The following NSDHL variants were observed in gnomAD, a reference collection of about 807,000 sequenced individuals.
NSDHL encodes NAD(P) dependent 3-beta-hydroxysteroid dehydrogenase NSDHL, also known as sterol-4-alpha-carboxylate 3-dehydrogenase, decarboxylating.
NSDHL carries 1 observed loss-of-function variant against 23.0 expected under a neutral mutation model. That is an observed-to-expected ratio of 0.04 (90% confidence interval 0.02 to 0.21). The LOEUF is 0.21. Ranked by LOEUF, NSDHL falls within the 10% of genes least tolerant of loss-of-function variation. The pLI is 1.00. For missense variants in NSDHL, 237 were observed against 300.9 expected (o/e 0.79, Z 1.57); for synonymous variants, 128 against 121.1 (o/e 1.06, Z -0.37).
In NSDHL at chrX:152,850,269, A is replaced by G. The variant is rs192455721; in HGVS notation, c.113A>G (p.Lys38Arg). Residue 38 changes from lysine to arginine, a missense_variant, in exon 3 of 8, where the codon AAG becomes AGG. Lys to Arg is a conservative substitution (Grantham distance 26). This residue lies in a region of NSDHL where 81 missense variants were observed against 103.3 expected (regional missense o/e 0.78). Coordinates refer to ENST00000370274, the MANE Select transcript of NSDHL (RefSeq NM_015922.3). ...ACCGTTCCTCTCTTTCCACAGGCCA[A>G]GAGATGCACAGTGATCGGTGGCTCT... is the stretch of plus-strand genomic sequence containing the variant. ...DIEKVNQNQAKRCTVIGGSGF... is the reference protein window; with the variant it reads ...DIEKVNQNQARRCTVIGGSGF... 1.2e-4 allele frequency: 151 copies of G among 1,208,409 alleles called. No individual in the cohort carries two copies. In the East Asian group the frequency reaches 4.4e-3, roughly 35 times the overall value.
At chrX:152,837,368 T>C (rs1933115663) in intron 1 of NSDHL, among the ~76,000 whole-genome samples, 2 of 111,723 alleles carry the variant, frequency 1.8e-5, no homozygotes, top group South Asian at 7.5e-4. Flanking sequence ...ACCCCTCTCT[T>C]GTGCCAGTTT....
chrX:152,869,317 A>T lies in NSDHL; in HGVS notation c.*201A>T. 1 of 470,036 alleles carries T rather than the reference A, an allele frequency of 2.1e-6. No homozygotes were observed. The highest frequency in any genetic ancestry group is 3.8e-6 in the Non-Finnish European group (1 of 263,129). The allele number at this position is 470,036 out of a possible 1,213,427, so 38.7% of individuals were successfully genotyped here. On this transcript the variant is annotated 3_prime_UTR_variant, in exon 8 of 8. Transcript: ENST00000370274. The stretch of plus-strand genomic sequence containing the variant: ...TCTTCCTTCATGGAACTGGATTTGG[A>T]TTTCTTGAAGCAGGCAGCTTCATAT...
intron 1 of NSDHL, among the ~76,000 whole-genome samples, chrX:152,834,313 T>C (rs967303089): frequency 8.9e-6 from 1 of 112,949 alleles, no homozygotes; most frequent in Non-Finnish European, 1.9e-5. Context: ...CTCACAGGCA[T>C]GCTGCTGGGT....
Position 152,858,817 on chromosome X carries a change from G to T in NSDHL, c.315G>T (p.Ala105=), listed in dbSNP as rs781847194. 1.4e-5 allele frequency: 17 copies of T among 1,204,472 alleles called. No individual in the cohort carries two copies. Among genetic ancestry groups the T allele is most frequent in the Non-Finnish European group, 1.9e-5 (17 of 890,315 alleles). ...LKGVNTVFHC[A]SPPPSSNNKE... is the part of the protein sequence containing the mutation. ...GTGTAAACACAGTTTTCCACTGTGC[G>T]TCACCCCCACCATCCAGTAACAACA... The change falls in exon 4 of 8, where the codon GCG becomes GCT. Residue 105 remains alanine, a synonymous_variant. Coordinates refer to ENST00000370274, the MANE Select transcript of NSDHL (RefSeq NM_015922.3).
rs141955712 is a variant in NSDHL, at chrX:152,849,922, A to G, written c.109-343A>G. 9.7e-3 allele frequency among the ~76,000 whole-genome samples: 1,088 copies of G among 112,216 alleles called. 6 individuals are homozygous for G. The highest frequency in any genetic ancestry group is 0.015 in the Non-Finnish European group (806 of 53,214). On this transcript the variant is annotated intron_variant, in intron 2 of 7. Transcript: ENST00000370274. ...CAGCTATCGGGAACAAGAAGGTATC[A>G]CTGTTTTTTGGGGTATTTTTTAGAT...
At chrX:152,831,438 C>G (rs1933012458) in intron 1 of NSDHL, among the ~76,000 whole-genome samples, 1 of 110,703 alleles carries the variant, frequency 9.0e-6, no homozygotes, top group Non-Finnish European at 1.9e-5. Context: ...CACCCCTAGA[C>G]TGACCCAGAT....
chrX:152,840,418 G>A (rs922912268), intron 1 of NSDHL, among the ~76,000 whole-genome samples: 75 of 112,350 alleles, frequency 6.7e-4, no homozygotes, highest in African/African-American at 2.4e-3. Flanking sequence ...TTTCTGCTCT[G>A]GTTTCTCCCC....
rs993623741 is a variant in NSDHL at position 152,842,958 on chromosome X, A to G, written c.-43-3324A>G. Among the ~76,000 whole-genome samples the G allele has an allele frequency of 2.7e-5, 3 of 111,888 alleles. 1 individual carries two copies. Among genetic ancestry groups the G allele is most frequent in the South Asian group, 7.4e-4 (2 of 2,694 alleles). On this transcript the variant is annotated intron_variant, in intron 1 of 7. Transcript: ENST00000370274. ...AGTAGGCAGGGGACGGGGGTTGCCT[A>G]TGGGATCTGACTCATTTGCGCGGCT...
intron 6 of NSDHL, among the ~76,000 whole-genome samples, chrX:152,866,576 C>T (rs781933774): frequency 5.7e-4 from 65 of 113,129 alleles, no homozygotes; most frequent in Non-Finnish European, 8.6e-4. Context: ...TCGCAGGGAG[C>T]GTCTGTTCCA....
chrX:152,848,893 C>T (rs1000191531), intron 2 of NSDHL, among the ~76,000 whole-genome samples: 35 of 112,664 alleles, frequency 3.1e-4, no homozygotes, highest in African/African-American at 1.1e-3. Flanking sequence ...AAATATACAT[C>T]TCAGTCCAGG....
chrX:152,853,128 C>CGTGT (rs35307183), intron 3 of NSDHL, among the ~76,000 whole-genome samples: 3,235 of 96,961 alleles, frequency 0.033, 52 homozygotes, highest in Middle Eastern at 0.098. Flanking sequence ...CTCTCAGGCA[C>CGTGT]GTGTGTGTGT....
intron 1 of NSDHL, among the ~76,000 whole-genome samples, chrX:152,843,241 C>T (rs781817796): frequency 3.6e-5 from 4 of 111,905 alleles, no homozygotes; most frequent in Non-Finnish European, 7.5e-5. Context: ...TCTAAGGCTT[C>T]TTGCTTTTGC....
At chrX:152,842,600 C>T (rs1933210800) in intron 1 of NSDHL, among the ~76,000 whole-genome samples, 1 of 111,723 alleles carries the variant, frequency 9.0e-6, no homozygotes, top group Non-Finnish European at 1.9e-5. Context: ...CTCCCGGGTT[C>T]AAGTGATTCT....
chrX:152,837,404 C>T (rs1207416244), intron 1 of NSDHL, among the ~76,000 whole-genome samples: 3 of 111,606 alleles, frequency 2.7e-5, no homozygotes, highest in Non-Finnish European at 5.6e-5. Flanking sequence ...CCAGTTTTTA[C>T]CCATTCAGTA....
chrX:152,851,240 A>G (rs941921313), intron 3 of NSDHL, among the ~76,000 whole-genome samples: 1 of 112,288 alleles, frequency 8.9e-6, no homozygotes, highest in African/African-American at 3.2e-5. Context: ...TGGTGTTGCC[A>G]TTCTGAGAAG....
chrX:152,838,549 G>A (rs994506922), intron 1 of NSDHL, among the ~76,000 whole-genome samples: 2 of 111,724 alleles, frequency 1.8e-5, no homozygotes, highest in African/African-American at 3.3e-5. Context: ...CCTTCATTTC[G>A]ATATTTACCC....
rs150670200 is a variant in NSDHL at position 152,853,308 on chromosome X, T to C, written c.267+2885T>C. ...TTCTGCTAAGTCTTCTCTATCTCCATAAATGGCCTACTCTGCTTTTCCAGT... is the reference window on the plus strand; with the variant it reads ...TTCTGCTAAGTCTTCTCTATCTCCACAAATGGCCTACTCTGCTTTTCCAGT... On this transcript the variant is annotated intron_variant, in intron 3 of 7. Transcript: ENST00000370274. Among the ~76,000 whole-genome samples, 34 of 110,475 alleles carry C rather than the reference T, an allele frequency of 3.1e-4. No homozygotes were observed. The East Asian group carries it at 9.9e-3, about 32-fold the overall frequency.
chrX:152,865,785 C>G (rs782546772), intron 5 of NSDHL, 34 bp from the exon 6 acceptor site: 8 of 1,209,981 alleles, frequency 6.6e-6, no homozygotes, highest in Non-Finnish European at 8.9e-6. Flanking sequence ...TAGGAATTTG[C>G]AATGGACGTG....
chrX:152,859,059 T>C, intron 4 of NSDHL, 143 bp downstream of exon 4: 1 of 465,773 alleles, frequency 2.1e-6, no homozygotes, highest in Non-Finnish European at 3.7e-6. Context: ...ATGAAGCCCT[T>C]GGAGTCACTG....
Sources: allele counts gnomAD v4.1 joint callset (sites outside exome capture counted in the v4.1 genomes callset), GRCh38; gene constraint gnomAD v4.1.1; regional missense constraint gnomAD v4.1.1; transcripts MANE v1.5; gene names NCBI Gene and HGNC (gene_info 2026-07-23, HGNC 2026-07-21).